ANO3: variants seen among roughly 807,000 people sequenced by gnomAD.
ANO3 encodes anoctamin 3, also known as anoctamin-3.
A neutral mutation model predicts 144.8 loss-of-function variants in ANO3; 99 were observed. That is an observed-to-expected ratio of 0.68 (90% CI 0.58 to 0.81). ANO3 has a LOEUF of 0.81. ANO3 is among the 30% of genes least tolerant of loss of function. ANO3 has a pLI of 0.00. For synonymous variants in ANO3, 414 were observed against 392.6 expected (o/e 1.05, Z -0.64); for missense variants, 905 against 1,202.2 (o/e 0.75, Z 3.66).
intron 25 of ANO3, 81 bp downstream of exon 25, chr11:26,656,286 T>C: frequency 6.7e-7 from 1 of 1,485,382 alleles, no homozygotes; most frequent in Non-Finnish European, 9.4e-7. Context: ...ACATTTAAAC[T>C]GTTATTTTGG....
At chr11:26,326,182 A>C (rs1365298566) in intron 1 of ANO3, among the ~76,000 whole-genome samples, 2 of 152,164 alleles carry the variant, frequency 1.3e-5, no homozygotes, top group Non-Finnish European at 1.5e-5. Flanking sequence ...TAACATAAAT[A>C]ATGCATATTT....
chr11:26,658,338 G>A (rs1853761304), intron 26 of ANO3, among the ~76,000 whole-genome samples: 1 of 152,144 alleles, frequency 6.6e-6, no homozygotes. Flanking sequence ...ACTTGGCCAG[G>A]TGTGGTGGCT....
At chr11:26,312,710 G>C (rs1216620306) in intron 1 of ANO3, among the ~76,000 whole-genome samples, 3 of 152,092 alleles carry the variant, frequency 2.0e-5, no homozygotes, top group African/African-American at 7.2e-5. Flanking sequence ...TTGTAAATTT[G>C]TTTAAGTTAT....
chr11:26,379,663 T>G (rs1450738349), intron 1 of ANO3, among the ~76,000 whole-genome samples: 2 of 152,074 alleles, frequency 1.3e-5, no homozygotes, highest in East Asian at 3.9e-4. Context: ...TATCATGGCA[T>G]GCACCTGTGG....
At chr11:26,550,412 G>A (rs557305124) in intron 12 of ANO3, among the ~76,000 whole-genome samples, 23 of 151,758 alleles carry the variant, frequency 1.5e-4, no homozygotes, top group South Asian at 4.2e-4. Context: ...CTTTTTATCC[G>A]TTTTACCCTC....
chr11:26,429,429 C>A (rs1376414842), intron 1 of ANO3, among the ~76,000 whole-genome samples: 5 of 129,364 alleles, frequency 3.9e-5, no homozygotes, highest in Admixed American at 1.6e-4. Flanking sequence ...ACCCCTAAAA[C>A]AAAAATCCAA....
intron 4 of ANO3, among the ~76,000 whole-genome samples, chr11:26,483,084 A>G (rs969784347): frequency 1.3e-5 from 2 of 151,696 alleles, no homozygotes; most frequent in African/African-American, 4.8e-5. Flanking sequence ...CTTAGGCTAT[A>G]TACCTAGTAA....
intron 1 of ANO3, among the ~76,000 whole-genome samples, chr11:26,243,943 C>T (rs1386487730): frequency 6.6e-6 from 1 of 151,826 alleles, no homozygotes; most frequent in Non-Finnish European, 1.5e-5. Flanking sequence ...AATGGTGAAA[C>T]TCCGCCTGTA....
intron 1 of ANO3, among the ~76,000 whole-genome samples, chr11:26,219,111 T>C (rs1852091528): frequency 6.6e-6 from 1 of 152,138 alleles, no homozygotes; most frequent in Non-Finnish European, 1.5e-5. Context: ...TAGATGCTAG[T>C]AGCTTCCCCG....
chr11:26,640,423 A>C (rs186402366), intron 21 of ANO3, among the ~76,000 whole-genome samples: 1 of 152,292 alleles, frequency 6.6e-6, no homozygotes, highest in Admixed American at 6.5e-5. Context: ...TGGGGAGCCC[A>C]GTTCATTTGT....
At chr11:26,620,033 G>A (rs554403102) in intron 17 of ANO3, among the ~76,000 whole-genome samples, 161 of 151,982 alleles carry the variant, frequency 1.1e-3, no homozygotes, top group African/African-American at 3.8e-3. Context: ...CCTTTATCAG[G>A]CATATAGCTA....
At chr11:26,654,794 G>C (rs1235392087) in intron 24 of ANO3, among the ~76,000 whole-genome samples, 1 of 151,984 alleles carries the variant, frequency 6.6e-6, no homozygotes, top group African/African-American at 2.4e-5. Flanking sequence ...GTTGAATAGA[G>C]TTTATTATGT....
At chr11:26,395,430 G>T (rs1046360379) in intron 1 of ANO3, among the ~76,000 whole-genome samples, 2 of 152,038 alleles carry the variant, frequency 1.3e-5, no homozygotes, top group Non-Finnish European at 2.9e-5. Context: ...TTTTCCATTT[G>T]TTTGTGTTCT....
At chr11:26,604,054 C>T (rs61878592) in intron 17 of ANO3, among the ~76,000 whole-genome samples, 4,656 of 152,170 alleles carry the variant, frequency 0.031, 101 homozygotes, top group Non-Finnish European at 0.049. Context: ...CTTATTTATT[C>T]TATCTAATTA....
At chr11:26,529,127 A>T (rs1315891306) in intron 7 of ANO3, among the ~76,000 whole-genome samples, 93 of 2,532 alleles carry the variant, frequency 0.037, 28 homozygotes, top group Admixed American at 0.069. Context: ...TATATATTAT[A>T]TATAATATAT....
rs186006601 is a variant in ANO3 at position 26,258,292 on chromosome 11, T to C, written c.155-51353T>C. ...CAAAAAGACACCTCAATTAACAGTC[T>C]TATTGAACAAAAAATGTATTATAAT... On this transcript the variant is annotated intron_variant, in intron 1 of 27. Transcript: ENST00000672621. 2.8e-3 allele frequency among the ~76,000 whole-genome samples: 426 copies of C among 152,298 alleles called. 2 individuals carry two copies. The highest frequency in any genetic ancestry group is 9.8e-3 in the African/African-American group (406 of 41,564).
intron 1 of ANO3, among the ~76,000 whole-genome samples, chr11:26,401,277 C>G (rs766007786): frequency 2.0e-5 from 3 of 151,958 alleles, no homozygotes; most frequent in Non-Finnish European, 4.4e-5. Flanking sequence ...AGAATTCCCT[C>G]CATTTATTAT....
chr11:26,228,969 A>T (rs1018560406), intron 1 of ANO3, among the ~76,000 whole-genome samples: 1 of 152,194 alleles, frequency 6.6e-6, no homozygotes, highest in African/African-American at 2.4e-5. Context: ...GAAAAAAATA[A>T]TAATTAACAA....
chr11:26,328,446 A>G, upstream of ANO3, among the ~76,000 whole-genome samples: 1 of 152,224 alleles, frequency 6.6e-6, no homozygotes, highest in South Asian at 2.1e-4. Context: ...AATTTTAATT[A>G]AGGCAGTGAT....
Sources: allele counts gnomAD v4.1 joint callset (sites outside exome capture counted in the v4.1 genomes callset), GRCh38; gene constraint gnomAD v4.1.1; transcripts MANE v1.5; gene names NCBI Gene and HGNC (gene_info 2026-07-23, HGNC 2026-07-21).